COG5: variants seen among roughly 807,000 people sequenced by gnomAD.
COG5 encodes the protein component of oligomeric golgi complex 5, also known as conserved oligomeric Golgi complex subunit 5.
Under a neutral mutation model 110.4 loss-of-function variants are expected in COG5, and 86 were observed. The ratio of observed to expected loss-of-function variants is 0.78; its 90% CI spans 0.65 to 0.93. COG5 has a LOEUF of 0.93. Ranked by LOEUF, COG5 falls within the 40% of genes least tolerant of loss-of-function variation. The probability of loss-of-function intolerance (pLI) is 0.00; values close to 1 mark genes in which losing one functional copy is unlikely to be tolerated. For synonymous variants in COG5, 360 were observed against 334.6 expected (o/e 1.08, Z -0.83); for missense variants, 1,077 against 987.0 (o/e 1.09, Z -1.22).
chr7:107,270,882 C>CTTTTTT (rs56971368), intron 14 of COG5, among the ~76,000 whole-genome samples: 5,878 of 68,708 alleles, frequency 0.086, 1,307 homozygotes, highest in Non-Finnish European at 0.12. Context: ...CTAACTAGAA[C>CTTTTTT]TTTTTTTTTT....
At chr7:107,295,066 C>CACACACATATATATAT (rs1366898060) in intron 12 of COG5, among the ~76,000 whole-genome samples, 2 of 45,820 alleles carry the variant, frequency 4.4e-5, no homozygotes, top group African/African-American at 1.8e-4. Flanking sequence ...CACACACACA[C>CACACACATATATATAT]ATATATATAT....
At chr7:107,302,740 G>C (rs1190684504) in intron 11 of COG5, among the ~76,000 whole-genome samples, 2 of 152,148 alleles carry the variant, frequency 1.3e-5, no homozygotes, top group African/African-American at 4.8e-5. Flanking sequence ...CCTGCAGACA[G>C]ATAGCAGACT....
intron 10 of COG5, among the ~76,000 whole-genome samples, chr7:107,359,804 T>A (rs1812940051): frequency 2.6e-5 from 4 of 151,682 alleles, no homozygotes. Flanking sequence ...GCACTCTGGG[T>A]CTCCTCTCTG....
intron 5 of COG5, among the ~76,000 whole-genome samples, chr7:107,541,496 CAAAAAAAAAAAA>C (rs869244428): frequency 7.2e-4 from 23 of 31,934 alleles, no homozygotes; most frequent in East Asian, 2.9e-3. Context: ...GACCCTGTCT[CAAAAAAAAAAAA>C]AAAAAAAAAA....
chr7:107,451,400 A>T (rs956204782), intron 6 of COG5, among the ~76,000 whole-genome samples: 2 of 152,160 alleles, frequency 1.3e-5, no homozygotes, highest in African/African-American at 4.8e-5. Context: ...ACTACTTTTG[A>T]CTTCTTTTAT....
chr7:107,517,991 T>G (rs1800058890), intron 6 of COG5, among the ~76,000 whole-genome samples: 1 of 152,108 alleles, frequency 6.6e-6, no homozygotes, highest in Admixed American at 6.6e-5. Context: ...TCACTGCGCC[T>G]GGCCTCAGCA....
chr7:107,540,737 T>G (rs991561441), intron 5 of COG5, among the ~76,000 whole-genome samples: 1 of 151,036 alleles, frequency 6.6e-6, no homozygotes, highest in Non-Finnish European at 1.5e-5. Context: ...ATTTCTAATA[T>G]CCAATAAAAA....
chr7:107,330,923 A>G (rs1244304222), intron 10 of COG5, among the ~76,000 whole-genome samples: 1 of 151,608 alleles, frequency 6.6e-6, no homozygotes, highest in Non-Finnish European at 1.5e-5. Context: ...TCCGGGTTCA[A>G]GCGATTCTCC....
chr7:107,321,679 T>C (rs1217031195), intron 11 of COG5, among the ~76,000 whole-genome samples: 1 of 152,170 alleles, frequency 6.6e-6, no homozygotes, highest in African/African-American at 2.4e-5. Context: ...CAGAGAATAA[T>C]GTTTTGGAGC....
At chr7:107,338,210 C>G (rs1176421290) in intron 10 of COG5, among the ~76,000 whole-genome samples, 1 of 151,984 alleles carries the variant, frequency 6.6e-6, no homozygotes, top group Non-Finnish European at 1.5e-5. Context: ...AGAAGGAAAA[C>G]AAAACTAGTG....
intron 17 of COG5, among the ~76,000 whole-genome samples, chr7:107,241,164 A>G (rs1250057797): frequency 6.6e-6 from 1 of 152,194 alleles, no homozygotes; most frequent in Non-Finnish European, 1.5e-5. Flanking sequence ...CAATTAAATT[A>G]AAAGTATGTG....
Position 107,367,623 on chromosome 7 carries a change from A to G in COG5, c.835+4972T>C, listed in dbSNP as rs117318321. Among the ~76,000 whole-genome samples, 377 of 152,214 alleles carry G rather than the reference A, an allele frequency of 2.5e-3. 1 individual carries two copies. The highest frequency in any genetic ancestry group is 8.3e-3 in the African/African-American group (346 of 41,556). ...CTCAGCCATAAAAAAGAATGAAATA[A>G]TATCTTTTGCAGCAACTTGGATGGA... On this transcript the variant is annotated intron_variant, in intron 8 of 21. Transcript: ENST00000297135.
At chr7:107,248,995 G>C (rs1360249377) in intron 16 of COG5, among the ~76,000 whole-genome samples, 1 of 152,082 alleles carries the variant, frequency 6.6e-6, no homozygotes. Context: ...ATAGGAGTTT[G>C]TTGTGTCATG....
At chr7:107,457,177 A>T (rs1018128729) in intron 6 of COG5, among the ~76,000 whole-genome samples, 3 of 151,780 alleles carry the variant, frequency 2.0e-5, no homozygotes, top group African/African-American at 7.3e-5. Flanking sequence ...ACACATGAAT[A>T]GAGAGAAATT....
At chr7:107,250,318 G>A (rs1198748913) in intron 16 of COG5, among the ~76,000 whole-genome samples, 2 of 152,074 alleles carry the variant, frequency 1.3e-5, no homozygotes, top group Non-Finnish European at 2.9e-5. Flanking sequence ...AATGCGGCTT[G>A]CAACTGAGGC....
chr7:107,232,168 T>A (rs932235221), intron 18 of COG5, among the ~76,000 whole-genome samples: 1 of 152,074 alleles, frequency 6.6e-6, no homozygotes, highest in Non-Finnish European at 1.5e-5. Context: ...AATATAAAGA[T>A]AAAAATGTAA....
intron 3 of COG5, among the ~76,000 whole-genome samples, chr7:107,550,246 T>G (rs1426546434): frequency 1.3e-5 from 2 of 152,188 alleles, no homozygotes; most frequent in Non-Finnish European, 2.9e-5. Flanking sequence ...TACATTTTAC[T>G]CCATCTGCCA....
rs141058273 is a variant in COG5, at chr7:107,244,442, A to G, written c.1853+3954T>C. Among the ~76,000 whole-genome samples the G allele has an allele frequency of 1.7e-3, 253 of 152,324 alleles. 1 individual carries two copies. Among genetic ancestry groups the G allele is most frequent in the African/African-American group, 6.0e-3 (248 of 41,574 alleles). On this transcript the variant is annotated intron_variant, in intron 17 of 21. Transcript: ENST00000297135. ...ATTAGAAAAGCATGAACAAATCAAC[A>G]AAGTTAGCAGAAGATGAGATGTAAC...
intron 10 of COG5, among the ~76,000 whole-genome samples, chr7:107,332,175 C>A (rs544710418): frequency 6.9e-6 from 1 of 145,370 alleles, no homozygotes; most frequent in East Asian, 1.9e-4. Context: ...AAGATCTATG[C>A]TAAAAAAATA....
Sources: gnomAD v4.1 joint callset for allele counts (sites outside exome capture counted in the v4.1 genomes callset) on GRCh38, gnomAD v4.1.1 for gene constraint, MANE v1.5 for transcripts, NCBI Gene and HGNC (gene_info 2026-07-23, HGNC 2026-07-21) for gene names.